Variants in RTTN observed in about 807,000 individuals in gnomAD.
The protein encoded by RTTN is rotatin.
Under a neutral mutation model 269.2 loss-of-function variants are expected in RTTN, and 182 were observed. The observed-to-expected ratio is 0.68, with a 90% CI of 0.60 to 0.76. RTTN has a LOEUF of 0.76. Among genes scored for constraint, RTTN ranks in the 30% least tolerant of loss-of-function variants. The pLI is 0.00. For synonymous variants in RTTN, 1,006 were observed against 963.5 expected (o/e 1.04, Z -0.82); for missense variants, 2,545 against 2,608.6 (o/e 0.98, Z 0.53).
rs1178765292 is a variant in RTTN, at chr18:70,044,487, C to G, written c.5541+3484G>C. ...CCCTTTATCCTTGAGGGATCCATTC[C>G]AACACCCCCAGTGGATACCTAAAAC... On this transcript the variant is annotated intron_variant, in intron 40 of 48. Coordinates refer to ENST00000640769, the MANE Select transcript of RTTN (RefSeq NM_173630.4). Among the ~76,000 whole-genome samples, 6 of 152,210 alleles carry G rather than the reference C, an allele frequency of 3.9e-5. No individual in the cohort carries two copies. The South Asian group carries it at 1.2e-3, about 32-fold the overall frequency.
chr18:70,070,162 A>G (rs1198357442), intron 34 of RTTN, among the ~76,000 whole-genome samples: 1 of 152,264 alleles, frequency 6.6e-6, no homozygotes, highest in Non-Finnish European at 1.5e-5. Flanking sequence ...GGACCACTTA[A>G]AGAGACAGAT....
chr18:70,030,370 C>T (rs373051208), intron 41 of RTTN, among the ~76,000 whole-genome samples: 3 of 152,120 alleles, frequency 2.0e-5, no homozygotes, highest in African/African-American at 4.8e-5. Flanking sequence ...TTGTTGTAGT[C>T]GCAAATCACA....
chr18:70,192,669 CA>C (rs11313917), intron 8 of RTTN, among the ~76,000 whole-genome samples: 49,810 of 89,988 alleles, frequency 0.55, 10,604 homozygotes, highest in East Asian at 0.7. Flanking sequence ...GACCTTGTCT[CA>C]AAAAAAAAAA....
intron 10 of RTTN, among the ~76,000 whole-genome samples, chr18:70,186,718 G>A (rs566118929): frequency 3.3e-5 from 5 of 152,214 alleles, no homozygotes; most frequent in Admixed American, 1.3e-4. Flanking sequence ...TATCCTTTGC[G>A]GCAACATGGA....
At chr18:70,079,224 G>GA (rs1196429110) in intron 32 of RTTN, among the ~76,000 whole-genome samples, 6 of 149,102 alleles carry the variant, frequency 4.0e-5, no homozygotes, top group South Asian at 2.1e-4. Flanking sequence ...TTTATTACTT[G>GA]AAAAAAAAAT....
chr18:70,186,295 C>A (rs543484525), intron 10 of RTTN, among the ~76,000 whole-genome samples: 1 of 152,206 alleles, frequency 6.6e-6, no homozygotes, highest in Non-Finnish European at 1.5e-5. Flanking sequence ...TCAACAGGTT[C>A]TTGGAAACTG....
intron 15 of RTTN, 33 bp downstream of exon 15, chr18:70,150,575 C>T (rs116715798): frequency 7.5e-6 from 12 of 1,598,856 alleles, no homozygotes; most frequent in African/African-American, 5.4e-5. Flanking sequence ...ATCTAAGTTA[C>T]TGTAATATTT....
chr18:70,121,909 A>C (rs2059747706), intron 25 of RTTN, among the ~76,000 whole-genome samples: 1 of 152,226 alleles, frequency 6.6e-6, no homozygotes, highest in Non-Finnish European at 1.5e-5. Context: ...CATGTGGACA[A>C]GTAACTAAAA....
At chr18:70,115,657 C>T (rs1231436679) in intron 26 of RTTN, among the ~76,000 whole-genome samples, 1 of 151,854 alleles carries the variant, frequency 6.6e-6, no homozygotes, top group East Asian at 1.9e-4. Flanking sequence ...CAGACAAGGG[C>T]AGAGCAAGAA....
In RTTN at chr18:70,003,699, A is replaced by G. The variant is rs1301561911; in HGVS notation, c.*452T>C. 6.6e-6 allele frequency: 1 copy of G among 152,468 alleles called. No homozygotes were observed. Among genetic ancestry groups the G allele is most frequent in the Non-Finnish European group, 1.5e-5 (1 of 68,198 alleles). 9.4% of individuals were successfully genotyped at this position (152,468 alleles called of 1,614,324 possible). The stretch of plus-strand genomic sequence containing the variant: ...AGAGCCAAATTTTACATCAGTTAAA[A>G]TTTAAAAAAAGAGAGAAACAACCAG... On this transcript the variant is annotated 3_prime_UTR_variant, in exon 49 of 49. Transcript: ENST00000640769.
intron 43 of RTTN, among the ~76,000 whole-genome samples, chr18:70,028,188 C>T (rs934630938): frequency 5.9e-5 from 9 of 152,016 alleles, no homozygotes; most frequent in African/African-American, 1.9e-4. Flanking sequence ...TGGTTTAAAA[C>T]ATCATCAGTG....
Position 70,092,805 on chromosome 18 carries a change from C to T in RTTN, c.3904-1G>A. 2.5e-6 allele frequency: 4 copies of T among 1,600,606 alleles called. No homozygotes were observed. The highest frequency in any genetic ancestry group is 3.4e-6 in the Non-Finnish European group (4 of 1,170,274). ...GCTCCACATAAAAAGAAGTAATGAC[C>T]TGAAAAACAAATGTAAACAATTTCA... On this transcript the variant is annotated splice_acceptor_variant, in intron 28 of 48. Transcript: ENST00000640769. LOFTEE classifies it high-confidence loss of function.
chr18:70,121,879 T>G (rs763437771), intron 25 of RTTN, among the ~76,000 whole-genome samples, 179 bp from the exon 26 acceptor site: 65 of 152,100 alleles, frequency 4.3e-4, no homozygotes, highest in Non-Finnish European at 6.2e-4. Flanking sequence ...TTCAAGAACA[T>G]GAGCTTATAG....
intron 26 of RTTN, 108 bp from the exon 27 acceptor site, chr18:70,114,707 C>T: frequency 1.2e-6 from 1 of 834,158 alleles, no homozygotes; most frequent in South Asian, 2.0e-5. Flanking sequence ...TATTACCTAA[C>T]TAGTAGGTGT....
intron 39 of RTTN, among the ~76,000 whole-genome samples, chr18:70,050,310 A>G (rs2057623461): frequency 6.6e-6 from 1 of 152,174 alleles, no homozygotes; most frequent in African/African-American, 2.4e-5. Context: ...GCGGCCGACA[A>G]ACATGAAAAA....
At chr18:70,005,317 T>C (rs781415787) in intron 47 of RTTN, 50 bp from the exon 48 acceptor site, 2 of 1,310,510 alleles carry the variant, frequency 1.5e-6, no homozygotes, top group East Asian at 4.6e-5. Flanking sequence ...TGGATCATGA[T>C]AGCAAAACAC....
chr18:70,045,521 T>C (rs2057467103), intron 40 of RTTN, among the ~76,000 whole-genome samples: 1 of 152,226 alleles, frequency 6.6e-6, no homozygotes, highest in African/African-American at 2.4e-5. Flanking sequence ...TATAGTAAGC[T>C]ACATTTATTA....
In RTTN at chr18:70,135,249, G is replaced by A. The variant is rs371663654; in HGVS notation, c.2820C>T (p.Val940=). 2.5e-5 allele frequency: 38 copies of A among 1,543,628 alleles called. No individual in the cohort carries two copies. The highest frequency in any genetic ancestry group is 2.9e-5 in the Non-Finnish European group (34 of 1,152,608). The change falls in exon 22 of 49, where the codon GTC becomes GTT. Residue 940 remains valine, a synonymous_variant. Coordinates refer to ENST00000640769, the MANE Select transcript of RTTN (RefSeq NM_173630.4). ...AAAATAGTGCTCCAACTTCAGTCAC[G>A]ACACTACAATCTTCATGAAATATTA... ...VSLIFHEDCS[V]VTEVGALFCL...
chr18:70,115,520 T>TA (rs66581269), intron 26 of RTTN, among the ~76,000 whole-genome samples: 118,223 of 149,130 alleles, frequency 0.79, 51,322 homozygotes, highest in East Asian at 1. Flanking sequence ...GGCACTGTGC[T>TA]AAAAAAAAAA....
Sources: gnomAD v4.1 joint callset for allele counts (sites outside exome capture counted in the v4.1 genomes callset) on GRCh38, gnomAD v4.1.1 for gene constraint, MANE v1.5 for transcripts, NCBI Gene and HGNC (gene_info 2026-07-23, HGNC 2026-07-21) for gene names.